Variants in TRIOBP observed in about 807,000 individuals in gnomAD.
TRIOBP encodes the protein TRIO and F-actin binding protein.
A neutral mutation model predicts 238.8 loss-of-function variants in TRIOBP; 169 were observed. The ratio of observed to expected loss-of-function variants is 0.71; its 90% confidence interval spans 0.62 to 0.80. The LOEUF is 0.80. Among genes scored for constraint, TRIOBP ranks in the 30% least tolerant of loss-of-function variants. TRIOBP has a pLI of 0.00. For missense variants in TRIOBP, 2,838 were observed against 3,122.6 expected, an observed-to-expected ratio of 0.91 and a Z score of 2.17; for synonymous variants, 1,150 against 1,274.4, an observed-to-expected ratio of 0.90 and a Z score of 2.08.
chr22:37,717,034 A>AT (rs1477149044), intron 6 of TRIOBP, among the ~76,000 whole-genome samples: 2 of 152,126 alleles, frequency 1.3e-5, no homozygotes, highest in Non-Finnish European at 2.9e-5. Context: ...GACCCTCGCG[A>AT]TATTACAGTT....
chr22:37,750,958 C>T (rs892193429), intron 11 of TRIOBP: 1 of 367,526 alleles, frequency 2.7e-6, no homozygotes, highest in South Asian at 2.0e-5. Flanking sequence ...CACCTCCTCC[C>T]TGCCGGCGCC....
rs748076965 is a variant in TRIOBP, at chr22:37,755,537, G to T, written c.5578-13G>T. 6.2e-7 allele frequency: 1 copy of T among 1,612,034 alleles called. No homozygotes were observed. The highest frequency in any genetic ancestry group is 8.5e-7 in the Non-Finnish European group (1 of 1,178,478). ...TGGCCATGTGGCAACCTACCCATGCGGTGGCCTTGCAGACCAAGGATGCTG... is the reference window on the plus strand; with the variant it reads ...TGGCCATGTGGCAACCTACCCATGCTGTGGCCTTGCAGACCAAGGATGCTG... On this transcript the variant is annotated splice_polypyrimidine_tract_variant and intron_variant, in intron 14 of 23. Transcript: ENST00000644935.
intron 15 of TRIOBP, 53 bp downstream of exon 15, chr22:37,755,712 C>T: frequency 6.5e-7 from 1 of 1,534,370 alleles, no homozygotes; most frequent in South Asian, 1.1e-5. Flanking sequence ...CCTTGCGTCC[C>T]CGAGTGGGTT....
intron 11 of TRIOBP, 98 bp downstream of exon 11, chr22:37,741,130 C>T (rs953402033): frequency 3.4e-6 from 5 of 1,483,088 alleles, no homozygotes; most frequent in Admixed American, 2.0e-5. Flanking sequence ...AGAGTGGGGG[C>T]TGAGGAGGAG....
At chr22:37,705,663 C>A (rs1179894693) in intron 3 of TRIOBP, among the ~76,000 whole-genome samples, 1 of 151,836 alleles carries the variant, frequency 6.6e-6, no homozygotes, top group African/African-American at 2.4e-5. Flanking sequence ...GCAACCTCTG[C>A]CTCCCAGGTT....
chr22:37,720,277 A>C (rs1282335897), intron 6 of TRIOBP, among the ~76,000 whole-genome samples: 1 of 152,012 alleles, frequency 6.6e-6, no homozygotes, highest in African/African-American at 2.4e-5. Flanking sequence ...TCGGCTTCCC[A>C]AAGTGCTGGG....
intron 3 of TRIOBP, among the ~76,000 whole-genome samples, chr22:37,702,245 C>CTAGA: frequency 6.6e-6 from 1 of 152,008 alleles, no homozygotes; most frequent in East Asian, 1.9e-4. Context: ...GTCGCCTGGG[C>CTAGA]TAGAGTGCAA....
chr22:37,773,405 G>A (rs1209110593), intron 23 of TRIOBP, among the ~76,000 whole-genome samples: 1 of 152,114 alleles, frequency 6.6e-6, no homozygotes, highest in East Asian at 1.9e-4. Flanking sequence ...TTTTTGTATA[G>A]GTGGGGTTTC....
At chr22:37,701,836 G>C (rs537770257) in intron 3 of TRIOBP, among the ~76,000 whole-genome samples, 12 of 152,234 alleles carry the variant, frequency 7.9e-5, no homozygotes, top group Non-Finnish European at 1.5e-4. Flanking sequence ...AGGTTAAGAA[G>C]AAAGGTAGAG....
chr22:37,705,359 A>G (rs1374964711), intron 3 of TRIOBP, among the ~76,000 whole-genome samples: 1 of 151,634 alleles, frequency 6.6e-6, no homozygotes, highest in Non-Finnish European at 1.5e-5. Flanking sequence ...TGGGCAACAG[A>G]GCGAGAATCC....
In TRIOBP at chr22:37,773,904, C is replaced by CCA. The variant is rs57293518; in HGVS notation, c.*157_*158dup. Reference sequence around the variant, plus strand: ...TGGGCCACACGTGCACTTGCACCCACCACACACACACACACACACACACAC... The same window carrying CCA: ...TGGGCCACACGTGCACTTGCACCCACCACACACACACACACACACACACACAC... On this transcript the variant is annotated 3_prime_UTR_variant, in exon 24 of 24. Transcript: ENST00000644935. The CCA allele has an allele frequency of 6.6e-3, 946 of 143,284 alleles. 6 individuals carry two copies. The highest frequency in any genetic ancestry group is 0.017 in the African/African-American group (645 of 37,860). 8.9% of individuals were successfully genotyped at this position (143,284 alleles called of 1,614,324 possible).
Position 37,751,800 on chromosome 22 carries a change from G to A in TRIOBP, c.5351G>A (p.Trp1784Ter). The A allele has an allele frequency of 6.2e-7, 1 of 1,614,142 alleles. No homozygotes were observed. Among genetic ancestry groups the A allele is most frequent in the Non-Finnish European group, 8.5e-7 (1 of 1,180,026 alleles). The part of the protein sequence containing the change: ...RPDLLNFKKG[W>*]MSILDEPGEP... The stretch of plus-strand genomic sequence containing the variant: ...GATCTGCTCAACTTCAAGAAGGGAT[G>A]GATGTCGATCTTGGACGAGCCTGGA... The change falls in exon 12 of 24, where the codon TGG (tryptophan) becomes TAG (stop). Residue 1784 changes from tryptophan to a stop codon, truncating the protein, a stop_gained. Coordinates refer to ENST00000644935, the MANE Select transcript of TRIOBP (RefSeq NM_001039141.3). LOFTEE classifies it high-confidence loss of function.
At chr22:37,714,126 C>T (rs888861177) in intron 5 of TRIOBP, among the ~76,000 whole-genome samples, 8 of 152,070 alleles carry the variant, frequency 5.3e-5, no homozygotes, top group African/African-American at 1.4e-4. Context: ...TGAGGCTCAG[C>T]GGGGGGAGCA....
At position 37,725,971 on chromosome 22, in the gene TRIOBP, C is replaced by A. The variant is rs368173276; in HGVS notation, c.3415C>A (p.Leu1139Ile). The change falls in exon 7 of 24, where the codon CTC becomes ATC. Residue 1139 changes from leucine to isoleucine, a missense_variant. This residue lies in a region of TRIOBP where 2,096 missense variants were observed against 2,137.4 expected (regional missense o/e 0.98). Coordinates refer to ENST00000644935, the MANE Select transcript of TRIOBP (RefSeq NM_001039141.3). ...AGAGCCTTCCCTCTTATTCCAGGACCTCCCCAGGGCCAGCACAGAGAGCCT... is the reference window on the plus strand; with the variant it reads ...AGAGCCTTCCCTCTTATTCCAGGACATCCCCAGGGCCAGCACAGAGAGCCT... ...APEPSLLFQD[L>I]PRASTESLVP... The A allele has an allele frequency of 6.1e-5, 98 of 1,611,130 alleles. No homozygotes were observed. The South Asian group carries it at 6.3e-4, about 10-fold the overall frequency.
At chr22:37,741,115 G>A in intron 11 of TRIOBP, 83 bp downstream of exon 11, 2 of 1,517,340 alleles carry the variant, frequency 1.3e-6, no homozygotes, top group Non-Finnish European at 1.8e-6. Flanking sequence ...TTAAGCAAAG[G>A]AGAGAGAGTG....
chr22:37,741,312 G>T (rs1924925346), intron 11 of TRIOBP, among the ~76,000 whole-genome samples: 1 of 152,130 alleles, frequency 6.6e-6, no homozygotes, highest in South Asian at 2.1e-4. Flanking sequence ...CCAATCAGCA[G>T]CCTCTCGCCA....
At chr22:37,739,523 GGA>G (rs2145846917) in intron 10 of TRIOBP, among the ~76,000 whole-genome samples, 1 of 152,310 alleles carries the variant, frequency 6.6e-6, no homozygotes, top group East Asian at 1.9e-4. Context: ...TGGAGGCAGG[GGA>G]GTCGTCCCAG....
chr22:37,702,315 C>T (rs1481471771), intron 3 of TRIOBP, among the ~76,000 whole-genome samples: 1 of 151,968 alleles, frequency 6.6e-6, no homozygotes, highest in Non-Finnish European at 1.5e-5. Flanking sequence ...AGCGATCCTC[C>T]CGCCTCAGCC....
chr22:37,723,244 G>C lies in TRIOBP; in HGVS notation c.688G>C (p.Gly230Arg). 1 of 1,613,972 alleles carries C rather than the reference G, an allele frequency of 6.2e-7. No individual in the cohort carries two copies. Among genetic ancestry groups the C allele is most frequent in the Non-Finnish European group, 8.5e-7 (1 of 1,179,932 alleles). The part of the protein sequence containing the change: ...QHWARLRGES[G>R]LSLERHRSTL... ...CTGGGCAAGGCTCCGGGGAGAAAGC[G>C]GGTTGTCCCTGGAGCGGCACCGGTC... Residue 230 changes from glycine to arginine, a missense_variant, in exon 7 of 24, where the codon GGG becomes CGG. Transcript: ENST00000644935.
Sources: gnomAD v4.1 joint callset for allele counts (sites outside exome capture counted in the v4.1 genomes callset) on GRCh38, gnomAD v4.1.1 for gene constraint, gnomAD v4.1.1 regional missense constraint, MANE v1.5 for transcripts, NCBI Gene and HGNC (gene_info 2026-07-23, HGNC 2026-07-21) for gene names.